Variants in MAML3 observed in about 807,000 individuals in gnomAD.
MAML3 encodes the protein mastermind-like protein 3.
MAML3 carries 27 observed loss-of-function variants against 101.9 expected under a neutral mutation model. The ratio of observed to expected loss-of-function variants is 0.27; its 90% CI spans 0.20 to 0.37. The LOEUF is 0.37. Ranked by LOEUF, MAML3 falls within the 10% of genes least tolerant of loss-of-function variation. The pLI, the probability that MAML3 is intolerant of heterozygous loss-of-function variation, is 1.00. For synonymous variants in MAML3, 501 were observed against 555.9 expected, an observed-to-expected ratio of 0.90 and a Z score of 1.39; for missense variants, 1,316 against 1,444.9, an observed-to-expected ratio of 0.91 and a Z score of 1.45.
rs764844448 is a variant in MAML3 at position 140,062,529 on chromosome 4, GCT to G, written c.468+90329_468+90330del. ...CTACTAAATGACTCTAAATTGCTGC[GCT>G]CTGAGAGTTTTCTGTCTGCTTTCAA... On this transcript the variant is annotated intron_variant, in intron 1 of 4. Transcript: ENST00000509479. 1.9e-3 allele frequency among the ~76,000 whole-genome samples: 289 copies of G among 152,278 alleles called. 4 individuals carry two copies. Among genetic ancestry groups the G allele is most frequent in the Non-Finnish European group, 1.2e-3 (85 of 68,036 alleles).
At chr4:139,766,919 C>T (rs990291522) in intron 2 of MAML3, among the ~76,000 whole-genome samples, 16 of 152,188 alleles carry the variant, frequency 1.1e-4, no homozygotes, top group African/African-American at 3.6e-4. Flanking sequence ...GAGCTAGTTG[C>T]CCTCTGTATT....
At chr4:140,027,377 C>A (rs2110886276) in intron 1 of MAML3, among the ~76,000 whole-genome samples, 1 of 152,340 alleles carries the variant, frequency 6.6e-6, no homozygotes, top group Non-Finnish European at 1.5e-5. Flanking sequence ...TTCCCCTTCT[C>A]CCGTGGTATA....
intron 1 of MAML3, among the ~76,000 whole-genome samples, chr4:139,959,019 C>A (rs906278975): frequency 6.6e-6 from 1 of 152,034 alleles, no homozygotes; most frequent in Non-Finnish European, 1.5e-5. Context: ...AGTTCTGAGA[C>A]CATTTTTTCT....
chr4:139,999,928 T>C (rs1191996528), intron 1 of MAML3, among the ~76,000 whole-genome samples: 2 of 152,172 alleles, frequency 1.3e-5, no homozygotes, highest in Non-Finnish European at 2.9e-5. Context: ...GGGGAAGAAA[T>C]GTGCTTTTCC....
intron 1 of MAML3, among the ~76,000 whole-genome samples, chr4:140,081,091 T>C (rs1348592730): frequency 1.3e-5 from 2 of 152,216 alleles, no homozygotes; most frequent in African/African-American, 4.8e-5. Flanking sequence ...TCTACTTTAC[T>C]TTCTGTTTGA....
At chr4:140,146,985 T>C (rs1729074524) in intron 1 of MAML3, among the ~76,000 whole-genome samples, 2 of 151,730 alleles carry the variant, frequency 1.3e-5, no homozygotes, top group African/African-American at 4.8e-5. Context: ...TACAAAAAAT[T>C]AGCCAGGCGT....
At chr4:139,924,370 G>A (rs1341121760) in intron 1 of MAML3, among the ~76,000 whole-genome samples, 1 of 152,004 alleles carries the variant, frequency 6.6e-6, no homozygotes, top group Non-Finnish European at 1.5e-5. Context: ...ACATTAAGAA[G>A]GTATTTTACC....
At chr4:139,737,585 A>C (rs1728996804) in intron 2 of MAML3, among the ~76,000 whole-genome samples, 2 of 152,176 alleles carry the variant, frequency 1.3e-5, no homozygotes, top group African/African-American at 4.8e-5. Context: ...TCTGGTACCC[A>C]AAATTGGGAT....
intron 1 of MAML3, among the ~76,000 whole-genome samples, chr4:140,080,484 A>C (rs577340546): frequency 6.6e-5 from 10 of 152,380 alleles, no homozygotes; most frequent in African/African-American, 2.4e-4. Flanking sequence ...GGAACATTCG[A>C]GCACATGATC....
intron 1 of MAML3, among the ~76,000 whole-genome samples, chr4:139,952,387 G>A (rs963826303): frequency 3.3e-5 from 5 of 152,102 alleles, no homozygotes; most frequent in African/African-American, 1.2e-4. Context: ...GGGACCTGGG[G>A]TTACACATGA....
intron 1 of MAML3, among the ~76,000 whole-genome samples, chr4:139,985,075 A>G (rs149430269): frequency 2.0e-3 from 311 of 152,346 alleles, no homozygotes; most frequent in Non-Finnish European, 3.4e-3. Context: ...AAACACCACT[A>G]GATTATATTT....
In MAML3 at chr4:140,049,662, T is replaced by G. The variant is rs571622652; in HGVS notation, c.468+103198A>C. Among the ~76,000 whole-genome samples, 227 of 139,046 alleles carry G rather than the reference T, an allele frequency of 1.6e-3. 1 individual carries two copies. The highest frequency in any genetic ancestry group is 5.9e-3 in the African/African-American group (215 of 36,258). The allele number at this position is 139,046 out of a possible 152,430, so 91.2% of individuals were successfully genotyped here. A position where few individuals can be genotyped will look rare whatever the true frequency, so the allele number is the denominator to read the frequency against. ...TGAGTATCTACGTATAAATCATACA[T>G]GTTGCCTTCCTTTTTTTTTAAAAGG... On this transcript the variant is annotated intron_variant, in intron 1 of 4. Transcript: ENST00000509479.
At chr4:139,979,734 A>G (rs1734410124) in intron 1 of MAML3, among the ~76,000 whole-genome samples, 1 of 152,186 alleles carries the variant, frequency 6.6e-6, no homozygotes, top group South Asian at 2.1e-4. Flanking sequence ...ATGTGGCATC[A>G]AGGTACCATC....
intron 1 of MAML3, among the ~76,000 whole-genome samples, chr4:140,044,746 C>T (rs1727151706): frequency 6.6e-6 from 1 of 152,118 alleles, no homozygotes; most frequent in Non-Finnish European, 1.5e-5. Context: ...TGTGAACTGA[C>T]GTCAAACTGT....
At chr4:139,954,694 T>C (rs992666743) in intron 1 of MAML3, among the ~76,000 whole-genome samples, 2 of 152,188 alleles carry the variant, frequency 1.3e-5, no homozygotes, top group African/African-American at 2.4e-5. Flanking sequence ...GTCTTTATTT[T>C]TGTTTTTTTG....
intron 2 of MAML3, among the ~76,000 whole-genome samples, chr4:139,878,358 C>T (rs1732152144): frequency 6.6e-6 from 1 of 152,154 alleles, no homozygotes; most frequent in Admixed American, 6.5e-5. Flanking sequence ...GCACTGACTA[C>T]TCGCTCCCTT....
At chr4:139,824,527 C>A (rs146932115) in intron 2 of MAML3, among the ~76,000 whole-genome samples, 1 of 152,324 alleles carries the variant, frequency 6.6e-6, no homozygotes, top group East Asian at 1.9e-4. Context: ...GTATAATCAA[C>A]TTCCATCATA....
At chr4:139,961,409 A>G (rs1578618135) in intron 1 of MAML3, among the ~76,000 whole-genome samples, 1 of 152,352 alleles carries the variant, frequency 6.6e-6, no homozygotes, top group Non-Finnish European at 1.5e-5. Context: ...TACACACTCA[A>G]CTACCAACAA....
At chr4:140,071,755 TAGAGAGAGAGAGAGAGAG>T (rs11268401) in intron 1 of MAML3, among the ~76,000 whole-genome samples, 1 of 137,270 alleles carries the variant, frequency 7.3e-6, no homozygotes, top group Non-Finnish European at 1.6e-5. Context: ...GGACCAGGAT[TAGAGAGAGAGAGAGAGAG>T]AGAGAGAGAG....
Sources: gnomAD v4.1 joint callset for allele counts (sites outside exome capture counted in the v4.1 genomes callset) on GRCh38, gnomAD v4.1.1 for gene constraint, MANE v1.5 for transcripts, NCBI Gene and HGNC (gene_info 2026-07-23, HGNC 2026-07-21) for gene names.